Variants in SLC25A20 observed in about 807,000 individuals in gnomAD.
SLC25A20 encodes the protein solute carrier family 25 member 20.
In SLC25A20, 29 loss-of-function variants were observed where a neutral mutation model predicts 39.7. That is an observed-to-expected ratio of 0.73 (90% confidence interval 0.54 to 1.00). The LOEUF is 1.00. Among genes scored for constraint, SLC25A20 ranks in the 50% least tolerant of loss-of-function variants. The pLI, the probability that SLC25A20 is intolerant of heterozygous loss-of-function variation, is 0.00. For synonymous variants in SLC25A20, 103 were observed against 142.2 expected (o/e 0.72, Z 1.96); for missense variants, 333 against 379.9 (o/e 0.88, Z 1.03).
intron 2 of SLC25A20, among the ~76,000 whole-genome samples, chr3:48,887,175 TA>T (rs1033313636): frequency 1.3e-5 from 2 of 152,146 alleles, no homozygotes; most frequent in African/African-American, 4.8e-5. Context: ...CTACATGAGC[TA>T]AAAGGATGAC....
intron 3 of SLC25A20, among the ~76,000 whole-genome samples, chr3:48,880,239 C>G (rs2083787535): frequency 6.6e-6 from 1 of 152,098 alleles, no homozygotes; most frequent in African/African-American, 2.4e-5. Context: ...GCTGTCTGTG[C>G]CACCTCTGGC....
At position 48,859,135 on chromosome 3, in the gene SLC25A20, A is replaced by G. The variant is rs756023010; in HGVS notation, c.675T>C (p.Ala225=). Residue 225 remains alanine, a synonymous_variant, in exon 7 of 9, where the codon GCT becomes GCC. Coordinates refer to ENST00000319017, the MANE Select transcript of SLC25A20 (RefSeq NM_000387.6). ...TGAGCACATCTGGGGGGATTGCCAC[A>G]GCCCAGTTGAAGATCCCTGCAATGC... ...AGGIAGIFNW[A]VAIPPDVLKS... is the part of the protein sequence containing the mutation. 6.2e-7 allele frequency: 1 copy of G among 1,614,106 alleles called. No homozygotes were observed. Among genetic ancestry groups the G allele is most frequent in the Non-Finnish European group, 8.5e-7 (1 of 1,180,018 alleles).
At chr3:48,891,479 C>T (rs1194113720) in intron 2 of SLC25A20, among the ~76,000 whole-genome samples, 2 of 152,138 alleles carry the variant, frequency 1.3e-5, no homozygotes, top group African/African-American at 2.4e-5. Flanking sequence ...GTGATCCTCC[C>T]ACCTCAGTCT....
chr3:48,886,186 A>G (rs992121693), intron 2 of SLC25A20, among the ~76,000 whole-genome samples: 32 of 152,154 alleles, frequency 2.1e-4, no homozygotes, highest in African/African-American at 7.2e-4. Context: ...AATATAAAAT[A>G]ATGTACCACA....
chr3:48,890,651 C>CTTTTTTTTTTTT (rs71077750), intron 2 of SLC25A20, among the ~76,000 whole-genome samples: 1 of 78,134 alleles, frequency 1.3e-5, no homozygotes, highest in Non-Finnish European at 2.3e-5. Context: ...GCCCCCTTGT[C>CTTTTTTTTTTTT]TTTTTTTTTT....
chr3:48,871,852 C>A (rs750872349), intron 4 of SLC25A20, among the ~76,000 whole-genome samples: 43 of 151,898 alleles, frequency 2.8e-4, no homozygotes, highest in Middle Eastern at 3.4e-3. Context: ...CGGGGTCTCA[C>A]TCCGTCACCC....
intron 4 of SLC25A20, among the ~76,000 whole-genome samples, chr3:48,873,407 G>A (rs1042145226): frequency 2.7e-5 from 4 of 150,520 alleles, no homozygotes; most frequent in Admixed American, 6.6e-5. Context: ...TCAGGAGATC[G>A]AGACCATCCT....
rs755536849 is a variant in SLC25A20 at position 48,857,715 on chromosome 3, A to T, written c.901T>A (p.Leu301Met). ...MKFLNWATPN[L>M] Reference sequence around the variant, plus strand: ...AACTTGAGCAGCCTTCAGCCTCACAAGTTGGGGGTGGCCCAATTAAGGAAC... The same window carrying T: ...AACTTGAGCAGCCTTCAGCCTCACATGTTGGGGGTGGCCCAATTAAGGAAC... The change falls in exon 9 of 9, where the codon TTG (leucine) becomes ATG (methionine). Residue 301 changes from leucine (L) to methionine (M), a missense_variant. Leu to Met is a conservative substitution (Grantham distance 15). Transcript: ENST00000319017. 6.2e-7 allele frequency: 1 copy of T among 1,613,904 alleles called. No homozygotes were observed. Among genetic ancestry groups the T allele is most frequent in the Admixed American group, 1.7e-5 (1 of 59,952 alleles).
intron 1 of SLC25A20, among the ~76,000 whole-genome samples, chr3:48,895,581 C>T (rs2083905066): frequency 6.6e-6 from 1 of 152,064 alleles, no homozygotes; most frequent in South Asian, 2.1e-4. Context: ...TTGTCAGGTC[C>T]TTCTATATCA....
chr3:48,882,529 A>C (rs112835383), intron 3 of SLC25A20, among the ~76,000 whole-genome samples: 67 of 152,236 alleles, frequency 4.4e-4, no homozygotes, highest in Middle Eastern at 6.8e-3. Flanking sequence ...GGTATTACAA[A>C]TCTCTCCAGT....
At position 48,857,557 on chromosome 3, in the gene SLC25A20, A is replaced by C; in HGVS notation, c.*153T>G. 1.4e-6 allele frequency: 1 copy of C among 704,210 alleles called. No homozygotes were observed. Among genetic ancestry groups the C allele is most frequent in the South Asian group, 1.6e-5 (1 of 63,854 alleles). The allele number at this position is 704,210 out of a possible 1,614,324, so 43.6% of individuals were successfully genotyped here. ...TAAGTTATACACGGTGCAGGATGTC[A>C]TTAAGGCAACAGTCTCACCAAGTCC... is the stretch of plus-strand genomic sequence containing the variant. On this transcript the variant is annotated 3_prime_UTR_variant, in exon 9 of 9. Transcript: ENST00000319017.
intron 1 of SLC25A20, among the ~76,000 whole-genome samples, chr3:48,893,701 T>C (rs1036196237): frequency 3.3e-5 from 5 of 151,890 alleles, no homozygotes; most frequent in Non-Finnish European, 7.4e-5. Flanking sequence ...CGGCTAATTT[T>C]GGTTTTTTTG....
chr3:48,862,712 G>A, intron 4 of SLC25A20, 53 bp from the exon 5 acceptor site: 1 of 1,216,734 alleles, frequency 8.2e-7, no homozygotes, highest in Non-Finnish European at 1.2e-6. Flanking sequence ...CACAGACCCA[G>A]CAGGTTACAG....
intron 4 of SLC25A20, among the ~76,000 whole-genome samples, chr3:48,874,063 G>A (rs945020698): frequency 5.9e-5 from 9 of 151,900 alleles, no homozygotes; most frequent in African/African-American, 2.4e-5. Flanking sequence ...CCGAGGAGGC[G>A]GGTGAATCAC....
rs769213749 is a variant in SLC25A20, at chr3:48,859,177, C to G, written c.633G>C (p.Arg211=). Residue 211 remains arginine, a synonymous_variant, in exon 7 of 9, where the codon CGG becomes CGC. Transcript: ENST00000319017. The part of the protein sequence containing the change: ...GKRVSELSAP[R]ILVAGGIAGI... ...CTGCAATGCCCCCAGCCACCAAGAT[C>G]CGAGGGGCACTGAGCTCACTGACCC... 2 of 1,613,902 alleles carry G rather than the reference C, an allele frequency of 1.2e-6. No individual in the cohort carries two copies. Among genetic ancestry groups the G allele is most frequent in the Non-Finnish European group, 1.7e-6 (2 of 1,180,000 alleles).
chr3:48,859,565 C>T lies in SLC25A20; in HGVS notation c.598G>A (p.Glu200Lys), dbSNP rs759776712. 44 of 1,613,926 alleles carry T rather than the reference C, an allele frequency of 2.7e-5. 1 individual carries two copies. The South Asian group carries it at 3.7e-4, about 14-fold the overall frequency. Residue 200 changes from glutamate to lysine, a missense_variant, in exon 6 of 9, where the codon GAG (glutamate) becomes AAG (lysine). By Grantham distance (56) the Glu-to-Lys change is moderately conservative. Coordinates refer to ENST00000319017, the MANE Select transcript of SLC25A20 (RefSeq NM_000387.6). ...YEWLKNIFTP[E>K]GKRVSELSAP... is the part of the protein sequence containing the mutation. ...TTATGTTTTCCTCACCTCTTTCCCT[C>T]CGGAGTGAAGATATTTTTCAGCCAT...
chr3:48,869,002 C>T (rs1431982381), intron 4 of SLC25A20, among the ~76,000 whole-genome samples: 2 of 152,182 alleles, frequency 1.3e-5, no homozygotes, highest in South Asian at 4.1e-4. Flanking sequence ...CTAGTGGACA[C>T]ACTGGAACTC....
At chr3:48,872,540 T>A (rs2083724713) in intron 4 of SLC25A20, among the ~76,000 whole-genome samples, 1 of 151,742 alleles carries the variant, frequency 6.6e-6, no homozygotes, top group Non-Finnish European at 1.5e-5. Flanking sequence ...AAGAACTCTG[T>A]CCTACTACTC....
At chr3:48,876,614 C>T (rs1313588608) in intron 4 of SLC25A20, among the ~76,000 whole-genome samples, 2 of 150,996 alleles carry the variant, frequency 1.3e-5, no homozygotes, top group Non-Finnish European at 1.5e-5. Flanking sequence ...TTAGTAGAGA[C>T]GGGGTTTCAC....
Sources: gnomAD v4.1 joint callset for allele counts (sites outside exome capture counted in the v4.1 genomes callset) on GRCh38, gnomAD v4.1.1 for gene constraint, MANE v1.5 for transcripts, NCBI Gene and HGNC (gene_info 2026-07-23, HGNC 2026-07-21) for gene names.